The following HS3ST4 variants were observed in gnomAD, a reference collection of about 807,000 sequenced individuals.
HS3ST4 encodes heparan sulfate-glucosamine 3-sulfotransferase 4, also known as heparan sulfate glucosamine 3-O-sulfotransferase 4.
A neutral mutation model predicts 29.2 loss-of-function variants in HS3ST4; 17 were observed. The ratio of observed to expected loss-of-function variants is 0.58; its 90% CI spans 0.40 to 0.87. HS3ST4 has a LOEUF of 0.87. HS3ST4 is among the 40% of genes least tolerant of loss of function. The pLI is 0.00. For missense variants in HS3ST4, 627 were observed against 634.5 expected, an observed-to-expected ratio of 0.99 and a Z score of 0.13; for synonymous variants, 314 against 285.7, an observed-to-expected ratio of 1.10 and a Z score of -1.00.
At chr16:26,016,954 A>G (rs1250011537) in intron 1 of HS3ST4, among the ~76,000 whole-genome samples, 2 of 152,124 alleles carry the variant, frequency 1.3e-5, no homozygotes, top group East Asian at 3.9e-4. Flanking sequence ...CCTCCCAACT[A>G]TTTATTATTC....
chr16:26,124,045 C>T (rs1196654577), intron 1 of HS3ST4, among the ~76,000 whole-genome samples: 1 of 152,078 alleles, frequency 6.6e-6, no homozygotes, highest in Non-Finnish European at 1.5e-5. Context: ...CTCAGCCTCC[C>T]GAGTAGCTGG....
chr16:25,733,587 G>A (rs1367457926), intron 1 of HS3ST4, among the ~76,000 whole-genome samples: 1 of 152,160 alleles, frequency 6.6e-6, no homozygotes, highest in Non-Finnish European at 1.5e-5. Flanking sequence ...AGAAGACCAT[G>A]GGCTTGAACA....
At chr16:25,801,849 C>T (rs1966938529) in intron 1 of HS3ST4, among the ~76,000 whole-genome samples, 2 of 151,770 alleles carry the variant, frequency 1.3e-5, no homozygotes, top group Admixed American at 1.3e-4. Flanking sequence ...TTGATGTAGA[C>T]AAAAATTTAA....
intron 1 of HS3ST4, among the ~76,000 whole-genome samples, chr16:26,073,837 G>A (rs1567306455): frequency 6.6e-6 from 1 of 152,134 alleles, no homozygotes; most frequent in Non-Finnish European, 1.5e-5. Flanking sequence ...TCACTTTTGG[G>A]TGGATGCCTT....
chr16:26,111,714 A>G (rs1177405261), intron 1 of HS3ST4, among the ~76,000 whole-genome samples: 1 of 152,146 alleles, frequency 6.6e-6, no homozygotes, highest in South Asian at 2.1e-4. Flanking sequence ...TATAATGAAA[A>G]TGTTTTTAAA....
At chr16:26,096,070 G>T (rs946299252) in intron 1 of HS3ST4, among the ~76,000 whole-genome samples, 1 of 151,424 alleles carries the variant, frequency 6.6e-6, no homozygotes, top group Non-Finnish European at 1.5e-5. Flanking sequence ...AAACCAGGAA[G>T]AAGTTGAATC....
chr16:25,944,923 A>G (rs1437813690), intron 1 of HS3ST4, among the ~76,000 whole-genome samples: 1 of 152,224 alleles, frequency 6.6e-6, no homozygotes, highest in Non-Finnish European at 1.5e-5. Flanking sequence ...CTTGGCTTCC[A>G]TGTTACTCAT....
At chr16:25,779,981 T>C (rs1358861250) in intron 1 of HS3ST4, among the ~76,000 whole-genome samples, 1 of 152,218 alleles carries the variant, frequency 6.6e-6, no homozygotes, top group Non-Finnish European at 1.5e-5. Flanking sequence ...CCCAGGTTGG[T>C]TATTGCTCCA....
chr16:26,041,832 C>A (rs185385204), intron 1 of HS3ST4, among the ~76,000 whole-genome samples: 9 of 152,276 alleles, frequency 5.9e-5, no homozygotes, highest in African/African-American at 2.2e-4. Flanking sequence ...TAGGACTGTC[C>A]CAGTCAAACC....
chr16:25,819,363 C>G (rs1329794474), intron 1 of HS3ST4, among the ~76,000 whole-genome samples: 2 of 152,196 alleles, frequency 1.3e-5, no homozygotes, highest in Non-Finnish European at 2.9e-5. Flanking sequence ...GATCCCACCA[C>G]AGCCCTGTGC....
At chr16:25,736,217 T>C (rs1387095601) in intron 1 of HS3ST4, among the ~76,000 whole-genome samples, 1 of 152,220 alleles carries the variant, frequency 6.6e-6, no homozygotes, top group Non-Finnish European at 1.5e-5. Context: ...ATGGCATTCA[T>C]AACGACGTTG....
intron 1 of HS3ST4, among the ~76,000 whole-genome samples, chr16:25,932,685 G>C (rs8051635): frequency 0.58 from 87,421 of 151,778 alleles, 26,384 homozygotes; most frequent in African/African-American, 0.72. Flanking sequence ...CACTTTAAAT[G>C]CATGATCCTA....
At chr16:26,114,403 GC>G (rs1219970759) in intron 1 of HS3ST4, among the ~76,000 whole-genome samples, 2 of 152,126 alleles carry the variant, frequency 1.3e-5, no homozygotes, top group African/African-American at 4.8e-5. Context: ...TCCCAGTGCT[GC>G]CAGGGACACA....
intron 1 of HS3ST4, among the ~76,000 whole-genome samples, chr16:26,121,377 G>C (rs1899275387): frequency 6.6e-6 from 1 of 152,192 alleles, no homozygotes; most frequent in South Asian, 2.1e-4. Context: ...GGGTGTTCCA[G>C]GAAAAGTCAA....
chr16:25,884,266 A>G (rs557874017), intron 1 of HS3ST4, among the ~76,000 whole-genome samples: 1 of 152,234 alleles, frequency 6.6e-6, no homozygotes, highest in Non-Finnish European at 1.5e-5. Flanking sequence ...GCTATTGTAC[A>G]TGCTGTCACT....
intron 1 of HS3ST4, chr16:26,032,824 G>A (rs1969543956): frequency 3.2e-6 from 5 of 1,571,830 alleles, no homozygotes; most frequent in East Asian, 2.2e-5. Flanking sequence ...TGGTGGCGGC[G>A]ACGGCAGCAG....
intron 1 of HS3ST4, among the ~76,000 whole-genome samples, chr16:25,964,112 T>A (rs1344376516): frequency 6.7e-6 from 1 of 148,184 alleles, no homozygotes; most frequent in Non-Finnish European, 1.5e-5. Context: ...GAAGAGGAGG[T>A]GGCAGGGAGC....
At chr16:26,081,222 G>A (rs1898720094) in intron 1 of HS3ST4, among the ~76,000 whole-genome samples, 1 of 151,288 alleles carries the variant, frequency 6.6e-6, no homozygotes, top group African/African-American at 2.4e-5. Flanking sequence ...AGGAGGCAGA[G>A]GTTGCAGTGA....
intron 1 of HS3ST4, among the ~76,000 whole-genome samples, chr16:25,944,635 C>T (rs1360207151): frequency 2.0e-5 from 3 of 152,232 alleles, no homozygotes; most frequent in Non-Finnish European, 4.4e-5. Flanking sequence ...AACTACATTT[C>T]ACCCCATGAG....
Sources: allele counts gnomAD v4.1 joint callset (sites outside exome capture counted in the v4.1 genomes callset), GRCh38; gene constraint gnomAD v4.1.1; transcripts MANE v1.5; gene names NCBI Gene and HGNC (gene_info 2026-07-23, HGNC 2026-07-21).